ZNF611: variants seen among roughly 807,000 people sequenced by gnomAD.
ZNF611 encodes the protein zinc finger protein 611.
A neutral mutation model predicts 8.9 loss-of-function variants in ZNF611; 6 were observed. The ratio of observed to expected loss-of-function variants is 0.68; its 90% CI spans 0.37 to 1.34. The LOEUF is 1.34. ZNF611 is among the 40% of genes most tolerant of loss of function. The pLI is 0.02. For synonymous variants in ZNF611, 262 were observed against 279.7 expected (o/e 0.94, Z 0.63); for missense variants, 874 against 841.3 (o/e 1.04, Z -0.48).
chr19:52,734,051 T>C (rs1052413455), intron 1 of ZNF611, among the ~76,000 whole-genome samples: 1 of 151,872 alleles, frequency 6.6e-6, no homozygotes, highest in Non-Finnish European at 1.5e-5. Context: ...CTCCAAATCC[T>C]TCCCTCTCTC....
rs928487873 is a variant in ZNF611 at position 52,733,304 on chromosome 19, C to CT, written c.-222+1696dup. Among the ~76,000 whole-genome samples, 102 of 151,280 alleles carry CT rather than the reference C, an allele frequency of 6.7e-4. 1 individual carries two copies. The highest frequency in any genetic ancestry group is 2.4e-3 in the African/African-American group (98 of 41,268). On this transcript the variant is annotated intron_variant, in intron 1 of 5. Coordinates refer to ENST00000652185, the MANE Select transcript of ZNF611 (RefSeq NM_001161499.2). ...CTCATCTGAACCCAGTCTCTCGCCCCTTTTTTTTTGTTTGGAGACAAGGTC... is the reference window on the plus strand; with the variant it reads ...CTCATCTGAACCCAGTCTCTCGCCCCTTTTTTTTTTGTTTGGAGACAAGGTC...
In ZNF611 at chr19:52,705,121, G is replaced by C. The variant is rs758999070; in HGVS notation, c.1934C>G (p.Thr645Ser). The C allele has an allele frequency of 6.2e-7, 1 of 1,613,976 alleles. No homozygotes were observed. Among genetic ancestry groups the C allele is most frequent in the South Asian group, 1.1e-5 (1 of 91,076 alleles). ...SSLIYHRRLHTGEKSYKCTIC... is the reference protein window; with the variant it reads ...SSLIYHRRLHSGEKSYKCTIC... ...TGTACATTTGTAAGATTTCTCTCCAGTATGAAGTCTACGATGGTATATAAG... is the reference window on the plus strand; with the variant it reads ...TGTACATTTGTAAGATTTCTCTCCACTATGAAGTCTACGATGGTATATAAG... The change falls in exon 6 of 6, where the codon ACT (threonine) becomes AGT (serine). Residue 645 changes from threonine (T) to serine (S), a missense_variant. By Grantham distance (58) the Thr-to-Ser change is moderately conservative (BLOSUM62 1). Transcript: ENST00000652185.
chr19:52,726,722 GTTTTTT>G (rs56146245), intron 3 of ZNF611, among the ~76,000 whole-genome samples: 1 of 130,304 alleles, frequency 7.7e-6, no homozygotes, highest in African/African-American at 2.8e-5. Flanking sequence ...TCGGCCTTGT[GTTTTTT>G]TTTTTTTTTT....
intron 5 of ZNF611, among the ~76,000 whole-genome samples, chr19:52,712,903 C>A (rs2062290378): frequency 6.6e-6 from 1 of 152,162 alleles, no homozygotes; most frequent in Non-Finnish European, 1.5e-5. Context: ...TAAAAACAAA[C>A]TCGGAAGGGG....
At chr19:52,734,791 T>C (rs57438910) in intron 1 of ZNF611, among the ~76,000 whole-genome samples, 161 of 152,168 alleles carry the variant, frequency 1.1e-3, no homozygotes, top group African/African-American at 3.5e-3. Flanking sequence ...CATTGACCTA[T>C]AGCAGAAAGA....
chr19:52,710,456 C>T (rs2062272334), intron 5 of ZNF611, among the ~76,000 whole-genome samples: 1 of 152,122 alleles, frequency 6.6e-6, no homozygotes, highest in African/African-American at 2.4e-5. Context: ...TCTAGAACTT[C>T]TGACCTCAAG....
chr19:52,706,221 A>G lies in ZNF611; in HGVS notation c.834T>C (p.Asp278=). ...FNHEQYLACH[D]RCHTVEKPYK... ...AAGGTTTCTCAACAGTGTGACATCT[A>G]TCATGGCATGCAAGGTATTGCTCGT... is the stretch of plus-strand genomic sequence containing the variant. Residue 278 remains aspartate, a synonymous_variant, in exon 6 of 6, where the codon GAT becomes GAC. Transcript: ENST00000652185. The G allele has an allele frequency of 6.2e-7, 1 of 1,614,194 alleles. No homozygotes were observed. Among genetic ancestry groups the G allele is most frequent in the Non-Finnish European group, 8.5e-7 (1 of 1,180,014 alleles).
chr19:52,714,434 T>C (rs1253181129), intron 4 of ZNF611, among the ~76,000 whole-genome samples: 1 of 151,938 alleles, frequency 6.6e-6, no homozygotes, highest in South Asian at 2.1e-4. Context: ...ACGCTTGTAA[T>C]CCCAACACTT....
At chr19:52,733,333 C>T (rs1004699810) in intron 1 of ZNF611, among the ~76,000 whole-genome samples, 5 of 152,166 alleles carry the variant, frequency 3.3e-5, no homozygotes, top group African/African-American at 1.2e-4. Flanking sequence ...CAAGGTCTCG[C>T]TCTGACGACC....
intron 3 of ZNF611, among the ~76,000 whole-genome samples, chr19:52,720,304 C>A (rs2062346627): frequency 6.6e-6 from 1 of 152,254 alleles, no homozygotes; most frequent in South Asian, 2.1e-4. Context: ...GAAAGGCTGT[C>A]ACTTCACACT....
intron 5 of ZNF611, among the ~76,000 whole-genome samples, chr19:52,712,734 C>T (rs1868500182): frequency 6.6e-6 from 1 of 152,042 alleles, no homozygotes; most frequent in Non-Finnish European, 1.5e-5. Context: ...GGTGATTCAC[C>T]CACGCACTTC....
intron 4 of ZNF611, among the ~76,000 whole-genome samples, chr19:52,714,518 T>G (rs2062301986): frequency 6.6e-6 from 1 of 151,176 alleles, no homozygotes; most frequent in Non-Finnish European, 1.5e-5. Context: ...TGAAAAACTG[T>G]CTCTCCTAAA....
rs1221416343 is a variant in ZNF611 at position 52,720,985 on chromosome 19, C to T, written c.-19-5072G>A. ...CTTCCCAGACGGGGAGGCCAGGCAG[C>T]GGTGCTCCTCACTTCCCAGACGGGG... On this transcript the variant is annotated intron_variant, in intron 3 of 5. Transcript: ENST00000652185. The T allele has an allele frequency of 3.1e-5, 4 of 128,194 alleles. No individual in the cohort carries two copies. The East Asian group carries it at 7.6e-4, about 24-fold the overall frequency. 7.9% of individuals were successfully genotyped at this position (128,194 alleles called of 1,614,324 possible).
intron 3 of ZNF611, among the ~76,000 whole-genome samples, chr19:52,720,158 A>G (rs548826922): frequency 2.3e-3 from 343 of 152,316 alleles, no homozygotes; most frequent in African/African-American, 7.9e-3. Flanking sequence ...AGAGTCTCCT[A>G]TGTCTACTTC....
intron 5 of ZNF611, among the ~76,000 whole-genome samples, chr19:52,711,777 A>T (rs1008061127): frequency 1.3e-5 from 2 of 152,054 alleles, no homozygotes; most frequent in Non-Finnish European, 2.9e-5. Flanking sequence ...GTAGTGTTGG[A>T]GGGGAGGGGC....
chr19:52,713,999 G>A lies in ZNF611; in HGVS notation c.190+16C>T. The A allele has an allele frequency of 6.2e-7, 1 of 1,613,968 alleles. No individual in the cohort carries two copies. Among genetic ancestry groups the A allele is most frequent in the Non-Finnish European group, 8.5e-7 (1 of 1,179,976 alleles). On this transcript the variant is annotated intron_variant, in intron 5 of 5. Coordinates refer to ENST00000652185, the MANE Select transcript of ZNF611 (RefSeq NM_001161499.2). ...CAAGAGCAGACTCCTCATGTCTGCA[G>A]GGACATTTTCCTCACCCACAGCCTC...
At chr19:52,707,318 T>G (rs978310890) in intron 5 of ZNF611, 4 of 150,932 alleles carry the variant, frequency 2.7e-5, no homozygotes, top group African/African-American at 7.3e-5. Flanking sequence ...CAAGCTCATG[T>G]AAGGATAACC....
At chr19:52,710,176 C>G (rs2062270545) in intron 5 of ZNF611, among the ~76,000 whole-genome samples, 1 of 151,746 alleles carries the variant, frequency 6.6e-6, no homozygotes, top group Non-Finnish European at 1.5e-5. Flanking sequence ...TCTCATGCCT[C>G]AGCCTCTTGA....
chr19:52,714,754 C>A (rs12981113), intron 4 of ZNF611, among the ~76,000 whole-genome samples: 30,864 of 51,538 alleles, frequency 0.6, 12,647 homozygotes, highest in African/African-American at 0.83. Context: ...AATCCCAGCA[C>A]TTTGGGAGAC....
Sources: gnomAD v4.1 joint callset for allele counts (sites outside exome capture counted in the v4.1 genomes callset) on GRCh38, gnomAD v4.1.1 for gene constraint, MANE v1.5 for transcripts, NCBI Gene and HGNC (gene_info 2026-07-23, HGNC 2026-07-21) for gene names.